The following WASHC5 variants were observed in gnomAD, a reference collection of about 807,000 sequenced individuals.
WASHC5 encodes WASH complex subunit 5.
A neutral mutation model predicts 150.4 loss-of-function variants in WASHC5; 101 were observed. The observed-to-expected ratio is 0.67, with a 90% CI of 0.57 to 0.79. WASHC5 has a LOEUF of 0.79. WASHC5 is among the 30% of genes least tolerant of loss of function. WASHC5 has a pLI of 0.00. For missense variants in WASHC5, 1,195 were observed against 1,396.3 expected, an observed-to-expected ratio of 0.86 and a Z score of 2.30; for synonymous variants, 467 against 491.2, an observed-to-expected ratio of 0.95 and a Z score of 0.65.
chr8:125,087,752 T>A (rs1035111220), intron 1 of WASHC5, among the ~76,000 whole-genome samples: 2 of 148,768 alleles, frequency 1.3e-5, no homozygotes, highest in East Asian at 2.0e-4. Context: ...AAAAAAAAAA[T>A]TTTCTCACAT....
At chr8:125,033,867 A>G (rs927509279) in intron 26 of WASHC5, among the ~76,000 whole-genome samples, 3 of 152,098 alleles carry the variant, frequency 2.0e-5, no homozygotes, top group African/African-American at 7.2e-5. Flanking sequence ...TTTCTTAGAC[A>G]AGACAAAAAA....
intron 1 of WASHC5, among the ~76,000 whole-genome samples, chr8:125,089,856 G>A (rs1056065015): frequency 1.7e-4 from 26 of 152,100 alleles, no homozygotes; most frequent in Non-Finnish European, 2.2e-4. Context: ...AAATATGTTC[G>A]GCAATAGTAA....
rs781582905 is a variant in WASHC5 at position 125,066,659 on chromosome 8, C to T, written c.1278+933G>A. 9.1e-4 allele frequency among the ~76,000 whole-genome samples: 138 copies of T among 152,286 alleles called. 1 individual carries two copies. Among genetic ancestry groups the T allele is most frequent in the Admixed American group, 4.7e-3 (72 of 15,300 alleles). On this transcript the variant is annotated intron_variant, in intron 10 of 28. Coordinates refer to ENST00000318410, the MANE Select transcript of WASHC5 (RefSeq NM_014846.4). ...TGGCTCTTAGGATAAAGACCAAAGT[C>T]CTGCAAGGCCTAGTATGGGCTGACT...
In WASHC5 at chr8:125,024,353, A is replaced by T. The variant is rs575780444; in HGVS notation, c.*264T>A. On this transcript the variant is annotated 3_prime_UTR_variant, in exon 29 of 29. Transcript: ENST00000318410. Reference sequence around the variant, plus strand: ...CTAAATGGATTTATACATAACAGTTACATTCAGCATTTAAGAGAGGCAGTA... The same window carrying T: ...CTAAATGGATTTATACATAACAGTTTCATTCAGCATTTAAGAGAGGCAGTA... 12 of 531,074 alleles carry T rather than the reference A, an allele frequency of 2.3e-5. No individual in the cohort carries two copies. The African/African-American group carries it at 2.3e-4, about 10-fold the overall frequency. The allele number at this position is 531,074 out of a possible 1,614,324, so 32.9% of individuals were successfully genotyped here.
At chr8:125,080,744 C>T (rs1261540391) in intron 5 of WASHC5, among the ~76,000 whole-genome samples, 2 of 152,142 alleles carry the variant, frequency 1.3e-5, no homozygotes, top group Non-Finnish European at 2.9e-5. Flanking sequence ...GTTAAGGTGG[C>T]TCCTGTTTTC....
intron 23 of WASHC5, among the ~76,000 whole-genome samples, chr8:125,043,598 T>A (rs1331749785): frequency 6.6e-6 from 1 of 152,204 alleles, no homozygotes; most frequent in East Asian, 1.9e-4. Flanking sequence ...GAGCCAGTTT[T>A]CTTGAACAAA....
In WASHC5 at chr8:125,055,973, G is replaced by A. The variant is rs2303524; in HGVS notation, c.2017-302C>T. 0.11 allele frequency among the ~76,000 whole-genome samples: 16,595 copies of A among 152,140 alleles called. 2,123 individuals carry two copies. The highest frequency in any genetic ancestry group is 0.31 in the African/African-American group (12,678 of 41,466). ...GGCCCTTTTGGCTAGAAAAGACTATGAGACTGAGAAGGTAACCTCCCCTTC... is the reference window on the plus strand; with the variant it reads ...GGCCCTTTTGGCTAGAAAAGACTATAAGACTGAGAAGGTAACCTCCCCTTC... On this transcript the variant is annotated intron_variant, in intron 16 of 28. Transcript: ENST00000318410.
intron 23 of WASHC5, among the ~76,000 whole-genome samples, chr8:125,043,117 T>A (rs538283047): frequency 6.6e-6 from 1 of 152,336 alleles, no homozygotes; most frequent in Admixed American, 6.5e-5. Flanking sequence ...ACCGGTCATG[T>A]TTCATTTAAC....
At chr8:125,025,611 C>T in intron 28 of WASHC5, among the ~76,000 whole-genome samples, 1 of 152,150 alleles carries the variant, frequency 6.6e-6, no homozygotes, top group African/African-American at 2.4e-5. Context: ...TCACTTGAAC[C>T]AGGGAGGCGG....
intron 24 of WASHC5, 59 bp from the exon 25 acceptor site, chr8:125,039,018 T>C: frequency 6.5e-7 from 1 of 1,535,318 alleles, no homozygotes; most frequent in Non-Finnish European, 9.0e-7. Flanking sequence ...TATACAAGAG[T>C]TAATATAGGG....
chr8:125,034,873 A>C (rs1815652710), intron 26 of WASHC5, among the ~76,000 whole-genome samples: 1 of 152,198 alleles, frequency 6.6e-6, no homozygotes. Flanking sequence ...TACAACTAGC[A>C]CTACACCACG....
chr8:125,073,573 T>C (rs1307185283), intron 8 of WASHC5, among the ~76,000 whole-genome samples: 3 of 152,218 alleles, frequency 2.0e-5, no homozygotes, highest in South Asian at 2.1e-4. Flanking sequence ...ACTACAGTTA[T>C]AGGGCTCAAA....
rs779314187 is a variant in WASHC5, at chr8:125,044,530, G to C, written c.2667+6C>G. On this transcript the variant is annotated splice_donor_region_variant and intron_variant, in intron 21 of 28. Coordinates refer to ENST00000318410, the MANE Select transcript of WASHC5 (RefSeq NM_014846.4). Reference sequence around the variant, plus strand: ...AGAAAACAGGCATGAAAGTCAAAAGGCTCACCTGTAACTCTTTTACAATCA... The same window carrying C: ...AGAAAACAGGCATGAAAGTCAAAAGCCTCACCTGTAACTCTTTTACAATCA... The C allele has an allele frequency of 6.2e-7, 1 of 1,613,646 alleles. No homozygotes were observed. The highest frequency in any genetic ancestry group is 1.3e-5 in the African/African-American group (1 of 74,894).
At chr8:125,056,626 A>G (rs1001639364) in intron 16 of WASHC5, 51 bp downstream of exon 16, 2 of 1,609,672 alleles carry the variant, frequency 1.2e-6, no homozygotes, top group Admixed American at 1.7e-5. Flanking sequence ...GTGATATTTC[A>G]TGACTGTTAG....
At chr8:125,070,961 A>G (rs966617089) in intron 9 of WASHC5, among the ~76,000 whole-genome samples, 1 of 152,214 alleles carries the variant, frequency 6.6e-6, no homozygotes, top group African/African-American at 2.4e-5. Flanking sequence ...AGGACTGTGA[A>G]GTCATCTTGG....
At position 125,055,612 on chromosome 8, in the gene WASHC5, C is replaced by T. The variant is rs746121315; in HGVS notation, c.2076G>A (p.Thr692=). The T allele has an allele frequency of 9.9e-6, 16 of 1,611,374 alleles. No homozygotes were observed. Among genetic ancestry groups the T allele is most frequent in the African/African-American group, 5.3e-5 (4 of 74,856 alleles). The change falls in exon 17 of 29, where the codon ACG becomes ACA. Residue 692 remains threonine (T), a synonymous_variant. Coordinates refer to ENST00000318410, the MANE Select transcript of WASHC5 (RefSeq NM_014846.4). ...TTACCTTGATGATGCCAACCAAAGT[C>T]GTTTTCATCATTAAGATGCCTTCAG... ...IFTEGILMMK[T]TLVGIIKVDP... is the part of the protein sequence containing the mutation.
chr8:125,078,841 C>G lies in WASHC5; in HGVS notation c.608G>C (p.Arg203Thr), dbSNP rs573689796. Residue 203 changes from arginine (R) to threonine (T), a missense_variant, in exon 6 of 29, where the codon AGA (arginine) becomes ACA (threonine). Arg to Thr is a moderately conservative substitution (Grantham distance 71). Around this residue, in one of 3 missense-constraint regions of WASHC5, gnomAD observed 997 missense variants for 1,168.1 expected, o/e 0.85. Transcript: ENST00000318410. The part of the protein sequence containing the change: ...TGYSSQPGAK[R>T]PSNYPESYFQ... ...ATAGCTCTCGGGATAGTTGGATGGT[C>G]TTTTGGCACCTGGTTGGCTAGAATA... 31 of 1,613,946 alleles carry G rather than the reference C, an allele frequency of 1.9e-5. No individual in the cohort carries two copies. In the African/African-American group the frequency reaches 2.8e-4, roughly 15 times the overall value.
At position 125,062,049 on chromosome 8, in the gene WASHC5, G is replaced by A. The variant is rs959213024; in HGVS notation, c.1409-855C>T. On this transcript the variant is annotated intron_variant, in intron 11 of 28. Transcript: ENST00000318410. ...TTGTTTATCAATGGGGTGGTCCCAC[G>A]TTATTAAAAGGCCTTAAAGACTTAC... Among the ~76,000 whole-genome samples the A allele has an allele frequency of 3.9e-5, 6 of 152,120 alleles. No homozygotes were observed. The South Asian group carries it at 1.2e-3, about 32-fold the overall frequency.
At chr8:125,061,917 G>A (rs1169980578) in intron 11 of WASHC5, among the ~76,000 whole-genome samples, 1 of 152,176 alleles carries the variant, frequency 6.6e-6, no homozygotes. Context: ...TATACAGGGT[G>A]ACACGGTGAC....
Sources: allele counts gnomAD v4.1 joint callset (sites outside exome capture counted in the v4.1 genomes callset), GRCh38; gene constraint gnomAD v4.1.1; regional missense constraint gnomAD v4.1.1; transcripts MANE v1.5; gene names NCBI Gene and HGNC (gene_info 2026-07-23, HGNC 2026-07-21).